RSBN1L: variants seen among roughly 807,000 people sequenced by gnomAD.
RSBN1L encodes round spermatid basic protein 1 like.
Under a neutral mutation model 67.7 loss-of-function variants are expected in RSBN1L, and 30 were observed. The ratio of observed to expected loss-of-function variants is 0.44; its 90% CI spans 0.33 to 0.60. RSBN1L has a LOEUF of 0.60. Ranked by LOEUF, RSBN1L falls within the 20% of genes least tolerant of loss-of-function variation. The probability of loss-of-function intolerance (pLI) is 0.02; values close to 1 mark genes in which losing one functional copy is unlikely to be tolerated. For synonymous variants in RSBN1L, 433 were observed against 387.0 expected (o/e 1.12, Z -1.39); for missense variants, 992 against 1,031.7 (o/e 0.96, Z 0.53).
At chr7:77,765,731 C>A in intron 4 of RSBN1L, 99 bp downstream of exon 4, 2 of 885,896 alleles carry the variant, frequency 2.3e-6, no homozygotes, top group Non-Finnish European at 3.3e-6. Flanking sequence ...TTTCATGCTA[C>A]ATGCAATATA....
chr7:77,745,787 A>G (rs951606422), intron 2 of RSBN1L, among the ~76,000 whole-genome samples: 3 of 152,202 alleles, frequency 2.0e-5, no homozygotes, highest in East Asian at 1.9e-4. Context: ...ATAACTCACC[A>G]TAATGTAGAA....
chr7:77,776,491 A>G (rs150673372), intron 6 of RSBN1L, among the ~76,000 whole-genome samples: 19 of 152,338 alleles, frequency 1.2e-4, no homozygotes, highest in African/African-American at 2.4e-4. Context: ...GTATATGTCT[A>G]TTCTTAACAT....
At chr7:77,737,557 C>T (rs1791353334) in intron 2 of RSBN1L, among the ~76,000 whole-genome samples, 1 of 152,024 alleles carries the variant, frequency 6.6e-6, no homozygotes, top group Non-Finnish European at 1.5e-5. Flanking sequence ...TGAAGAAATA[C>T]GTCAGAGCTT....
At chr7:77,710,216 G>A (rs1178432330) in intron 1 of RSBN1L, among the ~76,000 whole-genome samples, 1 of 152,162 alleles carries the variant, frequency 6.6e-6, no homozygotes, top group Non-Finnish European at 1.5e-5. Context: ...TATAGTCAGA[G>A]TGATAACCAG....
intron 3 of RSBN1L, among the ~76,000 whole-genome samples, chr7:77,762,815 T>C (rs1397398418): frequency 1.3e-5 from 2 of 152,218 alleles, no homozygotes; most frequent in Admixed American, 6.5e-5. Flanking sequence ...AATTTAATAA[T>C]GTTATAGTTT....
intron 6 of RSBN1L, among the ~76,000 whole-genome samples, chr7:77,777,293 AAG>A (rs1791930988): frequency 1.3e-5 from 2 of 152,098 alleles, no homozygotes; most frequent in African/African-American, 4.8e-5. Context: ...TTTAAATTTA[AAG>A]AGAATAAAAC....
intron 1 of RSBN1L, among the ~76,000 whole-genome samples, chr7:77,728,561 A>G (rs891594426): frequency 5.3e-5 from 8 of 152,122 alleles, no homozygotes; most frequent in African/African-American, 1.9e-4. Flanking sequence ...CTCAACAGCC[A>G]CCCTGATTTG....
chr7:77,780,636 G>C lies in RSBN1L; in HGVS notation c.*1468G>C, dbSNP rs536007203. ...ACTGTAAAATAAGGGCAATGACAAT[G>C]ACTCAACTGCCATATAGAGATATAA... On this transcript the variant is annotated 3_prime_UTR_variant, in exon 8 of 8. Coordinates refer to ENST00000334955, the MANE Select transcript of RSBN1L (RefSeq NM_198467.3). 8 of 152,324 alleles carry C rather than the reference G, an allele frequency of 5.3e-5. No homozygotes were observed. In the East Asian group the frequency reaches 1.5e-3, roughly 29 times the overall value. 9.4% of individuals were successfully genotyped at this position (152,324 alleles called of 1,614,324 possible). A position where few individuals can be genotyped will look rare whatever the true frequency, so the allele number is the denominator to read the frequency against.
In RSBN1L at chr7:77,696,637, G is replaced by T. The variant is rs774000809; in HGVS notation, c.168G>T (p.Val56=). 5 of 1,613,960 alleles carry T rather than the reference G, an allele frequency of 3.1e-6. No individual in the cohort carries two copies. The change falls in exon 1 of 8, where the codon GTG becomes GTT. Residue 56 remains valine (V), a synonymous_variant. Coordinates refer to ENST00000334955, the MANE Select transcript of RSBN1L (RefSeq NM_198467.3). ...RTEEKKAPRR[V]NGEGGSGGNS... The stretch of plus-strand genomic sequence containing the variant: ...AGGAGAAGAAGGCACCGCGGAGAGT[G>T]AACGGAGAAGGGGGCAGCGGCGGGA...
At chr7:77,744,439 A>G (rs1264609873) in intron 2 of RSBN1L, among the ~76,000 whole-genome samples, 1 of 152,094 alleles carries the variant, frequency 6.6e-6, no homozygotes, top group African/African-American at 2.4e-5. Context: ...TCTGAATTTG[A>G]TAACGTTATT....
intron 1 of RSBN1L, among the ~76,000 whole-genome samples, chr7:77,725,142 C>T (rs1265774745): frequency 2.0e-5 from 3 of 151,208 alleles, no homozygotes; most frequent in African/African-American, 2.4e-5. Context: ...CTGCGCCCGG[C>T]CACAAATCCC....
rs921128982 is a variant in RSBN1L, at chr7:77,703,384, T to C, written c.586+6329T>C. Among the ~76,000 whole-genome samples the C allele has an allele frequency of 2.6e-5, 4 of 152,200 alleles. No individual in the cohort carries two copies. In the South Asian group the frequency reaches 8.3e-4, roughly 32 times the overall value. ...TTACCATTCTACCATCAGCTTTTTGTCTTTATACATTGTATTTCAGGTAAT... is the reference window on the plus strand; with the variant it reads ...TTACCATTCTACCATCAGCTTTTTGCCTTTATACATTGTATTTCAGGTAAT... On this transcript the variant is annotated intron_variant, in intron 1 of 7. Coordinates refer to ENST00000334955, the MANE Select transcript of RSBN1L (RefSeq NM_198467.3).
chr7:77,773,048 C>G, intron 5 of RSBN1L, 99 bp from the exon 6 acceptor site: 2 of 601,362 alleles, frequency 3.3e-6, no homozygotes, highest in East Asian at 5.9e-5. Flanking sequence ...GATTTGAGAG[C>G]AAATTTCATA....
chr7:77,710,364 T>G (rs1358512150), intron 1 of RSBN1L, among the ~76,000 whole-genome samples: 1 of 152,126 alleles, frequency 6.6e-6, no homozygotes, highest in East Asian at 1.9e-4. Context: ...CTCTGGATGA[T>G]CATATTCTTG....
chr7:77,756,337 T>G (rs1210020863), intron 3 of RSBN1L, among the ~76,000 whole-genome samples: 2 of 151,912 alleles, frequency 1.3e-5, no homozygotes, highest in African/African-American at 2.4e-5. Flanking sequence ...TTCACCATGT[T>G]GCCCAGGCTG....
intron 6 of RSBN1L, among the ~76,000 whole-genome samples, chr7:77,777,201 G>A (rs546846155): frequency 6.6e-6 from 1 of 151,472 alleles, no homozygotes; most frequent in African/African-American, 2.4e-5. Context: ...TGTGCTAATT[G>A]TCATGTATTT....
chr7:77,747,430 G>A (rs1180199894), intron 2 of RSBN1L, among the ~76,000 whole-genome samples: 1 of 152,170 alleles, frequency 6.6e-6, no homozygotes, highest in East Asian at 1.9e-4. Context: ...CAGGCCCAGG[G>A]CCCTGCTGCT....
intron 1 of RSBN1L, among the ~76,000 whole-genome samples, chr7:77,717,451 A>G (rs1400155338): frequency 6.6e-6 from 1 of 152,246 alleles, no homozygotes; most frequent in Non-Finnish European, 1.5e-5. Flanking sequence ...AAGCTATACA[A>G]TTGTAATCAG....
At chr7:77,715,203 C>T (rs1791030714) in intron 1 of RSBN1L, among the ~76,000 whole-genome samples, 1 of 152,100 alleles carries the variant, frequency 6.6e-6, no homozygotes, top group African/African-American at 2.4e-5. Context: ...ACCTGGGAGG[C>T]AGAGGTTGCA....
Sources: allele counts gnomAD v4.1 joint callset (sites outside exome capture counted in the v4.1 genomes callset), GRCh38; gene constraint gnomAD v4.1.1; transcripts MANE v1.5; gene names NCBI Gene and HGNC (gene_info 2026-07-23, HGNC 2026-07-21).